CHD9: variants seen among roughly 807,000 people sequenced by gnomAD.
CHD9 encodes the protein ATP-dependent chromatin remodeler CHD9.
Under a neutral mutation model 316.1 loss-of-function variants are expected in CHD9, and 77 were observed. That is an observed-to-expected ratio of 0.24 (90% CI 0.20 to 0.29). The LOEUF is 0.29. Among genes scored for constraint, CHD9 ranks in the 10% least tolerant of loss-of-function variants. CHD9 has a pLI of 1.00. For missense variants in CHD9, 2,763 were observed against 3,438.1 expected (o/e 0.80, Z 4.91); for synonymous variants, 1,129 against 1,158.3 (o/e 0.97, Z 0.51).
chr16:53,106,850 GATAC>G (rs2037399973), intron 1 of CHD9, among the ~76,000 whole-genome samples: 2 of 152,240 alleles, frequency 1.3e-5, no homozygotes, highest in South Asian at 2.1e-4. Context: ...CATTGCAAAA[GATAC>G]ATACACAAAG....
intron 1 of CHD9, among the ~76,000 whole-genome samples, chr16:53,066,114 G>A (rs1388371260): frequency 6.6e-6 from 1 of 152,132 alleles, no homozygotes; most frequent in Admixed American, 6.5e-5. Context: ...CAAACAAACT[G>A]GGATTCCTAC....
At chr16:53,268,655 CT>C (rs2051926447) in intron 22 of CHD9, among the ~76,000 whole-genome samples, 1 of 152,152 alleles carries the variant, frequency 6.6e-6, no homozygotes, top group African/African-American at 2.4e-5. Flanking sequence ...GCATCAGCAT[CT>C]TCTGGAAGCT....
Position 53,291,730 on chromosome 16 carries a change from T to C in CHD9, c.5253T>C (p.Asp1751=). 6.4e-7 allele frequency: 1 copy of C among 1,564,000 alleles called. No homozygotes were observed. Among genetic ancestry groups the C allele is most frequent in the Non-Finnish European group, 8.6e-7 (1 of 1,161,468 alleles). The change falls in exon 28 of 39, where the codon GAT becomes GAC. Residue 1751 remains aspartate, a synonymous_variant. Coordinates refer to ENST00000447540, the MANE Select transcript of CHD9 (RefSeq NM_001308319.2). ...PAIFKDDIED[D]VSSPGDLVIA... ...TTTCTATTTTCTTTTAAAAGGATGA[T>C]GTTTCCTCACCAGGAGATCTTGTTA... is the stretch of plus-strand genomic sequence containing the variant.
chr16:53,132,011 C>T (rs1824078237), intron 1 of CHD9, among the ~76,000 whole-genome samples: 1 of 152,214 alleles, frequency 6.6e-6, no homozygotes, highest in Admixed American at 6.5e-5. Flanking sequence ...CCAAGCACTA[C>T]CCGGAAAGCC....
Position 53,209,664 on chromosome 16 carries a change from T to C in CHD9, c.1635T>C (p.Ile545=). 6.2e-7 allele frequency: 1 copy of C among 1,613,824 alleles called. No homozygotes were observed. The highest frequency in any genetic ancestry group is 8.5e-7 in the Non-Finnish European group (1 of 1,179,822). Residue 545 remains isoleucine, a synonymous_variant, in exon 3 of 39, where the codon ATT becomes ATC. Transcript: ENST00000447540. ...AKAKERGERN[I]PRVMSPENFP... is the part of the protein sequence containing the mutation. ...CAAAGGAGCGTGGGGAACGCAATAT[T>C]CCACGAGTAATGAGCCCTGAAAACT...
intron 2 of CHD9, among the ~76,000 whole-genome samples, chr16:53,161,330 C>A (rs1054419063): frequency 6.6e-6 from 1 of 152,152 alleles, no homozygotes; most frequent in African/African-American, 2.4e-5. Flanking sequence ...CAAATTTTGA[C>A]AGAGCATAGA....
chr16:53,248,885 T>A (rs1444176308), intron 16 of CHD9, among the ~76,000 whole-genome samples: 6 of 152,224 alleles, frequency 3.9e-5, no homozygotes, highest in Non-Finnish European at 8.8e-5. Flanking sequence ...CTGATTTATA[T>A]TATTAGAGAT....
intron 37 of CHD9, among the ~76,000 whole-genome samples, chr16:53,320,747 T>A (rs938046048): frequency 6.6e-6 from 1 of 152,176 alleles, no homozygotes; most frequent in Non-Finnish European, 1.5e-5. Context: ...TGTGTCATAT[T>A]ATTACATTTT....
chr16:53,174,934 G>A (rs1158074689), intron 2 of CHD9, among the ~76,000 whole-genome samples: 1 of 152,068 alleles, frequency 6.6e-6, no homozygotes, highest in African/African-American at 2.4e-5. Flanking sequence ...CTTAAGTTTT[G>A]TTCTGGGATG....
At chr16:53,110,394 C>T (rs1420051813) in intron 1 of CHD9, among the ~76,000 whole-genome samples, 1 of 152,088 alleles carries the variant, frequency 6.6e-6, no homozygotes, top group Non-Finnish European at 1.5e-5. Flanking sequence ...CCCAGGAGTT[C>T]AAAACCAGCC....
chr16:53,171,961 A>G (rs1170957170), intron 2 of CHD9, among the ~76,000 whole-genome samples: 1 of 151,816 alleles, frequency 6.6e-6, no homozygotes, highest in Non-Finnish European at 1.5e-5. Flanking sequence ...TGTTTTGGGG[A>G]TATATGCTTT....
intron 36 of CHD9, 27 bp downstream of exon 36, chr16:53,315,071 A>T (rs1318733758): frequency 6.6e-7 from 1 of 1,524,322 alleles, no homozygotes; most frequent in African/African-American, 1.4e-5. Context: ...AATTCTTGTT[A>T]TATTTTATTT....
intron 1 of CHD9, among the ~76,000 whole-genome samples, chr16:53,106,069 C>T (rs1018154246): frequency 3.9e-5 from 6 of 152,134 alleles, no homozygotes; most frequent in Admixed American, 3.3e-4. Flanking sequence ...ATCTGCCCAC[C>T]TCAGCCTCCC....
At chr16:53,176,132 G>A (rs541659060) in intron 2 of CHD9, among the ~76,000 whole-genome samples, 1 of 152,264 alleles carries the variant, frequency 6.6e-6, no homozygotes, top group East Asian at 1.9e-4. Context: ...GGATCTCACT[G>A]GACTAAAATC....
chr16:53,320,198 T>TAAAAAAA (rs558919362), intron 37 of CHD9, among the ~76,000 whole-genome samples: 2 of 126,934 alleles, frequency 1.6e-5, no homozygotes, highest in African/African-American at 5.9e-5. Flanking sequence ...TGAGTCTCTT[T>TAAAAAAA]AAAAAAAAAA....
intron 1 of CHD9, among the ~76,000 whole-genome samples, chr16:53,111,526 G>A (rs899307697): frequency 2.0e-5 from 3 of 152,182 alleles, no homozygotes; most frequent in African/African-American, 7.2e-5. Flanking sequence ...TCATCTGAAT[G>A]TTTAGTCTTT....
At chr16:53,232,279 T>C (rs28587135) in intron 10 of CHD9, among the ~76,000 whole-genome samples, 3 of 152,100 alleles carry the variant, frequency 2.0e-5, no homozygotes, top group Non-Finnish European at 4.4e-5. Flanking sequence ...AAGAGAAAGA[T>C]TTTCTTTTGG....
chr16:53,116,412 A>C (rs2038307261), intron 1 of CHD9, among the ~76,000 whole-genome samples: 1 of 152,200 alleles, frequency 6.6e-6, no homozygotes, highest in African/African-American at 2.4e-5. Flanking sequence ...GCCAAATAGT[A>C]CACACTCTGC....
At position 53,097,856 on chromosome 16, in the gene CHD9, C is replaced by T. The variant is rs115244761; in HGVS notation, c.-165+42779C>T. 5.6e-3 allele frequency among the ~76,000 whole-genome samples: 852 copies of T among 152,310 alleles called. 6 individuals are homozygous for T. The highest frequency in any genetic ancestry group is 0.02 in the African/African-American group (820 of 41,568). ...TGGAACCAGGCTGGGTGCGGTGGCT[C>T]ACACTGTAATCCCAGCACTTTGGGA... is the stretch of plus-strand genomic sequence containing the variant. On this transcript the variant is annotated intron_variant, in intron 1 of 38. Transcript: ENST00000447540.
Sources: gnomAD v4.1 joint callset for allele counts (sites outside exome capture counted in the v4.1 genomes callset) on GRCh38, gnomAD v4.1.1 for gene constraint, MANE v1.5 for transcripts, NCBI Gene and HGNC (gene_info 2026-07-23, HGNC 2026-07-21) for gene names.